ZBBX: variants seen among roughly 807,000 people sequenced by gnomAD.
ZBBX encodes the protein zinc finger B-box domain-containing protein 1.
ZBBX carries 101 observed loss-of-function variants against 108.5 expected under a neutral mutation model. The observed-to-expected ratio is 0.93, with a 90% CI of 0.79 to 1.10. ZBBX has a LOEUF of 1.10. Among genes scored for constraint, ZBBX ranks in the 50% least tolerant of loss-of-function variants. The probability of loss-of-function intolerance (pLI) is 0.00; values close to 1 mark genes in which losing one functional copy is unlikely to be tolerated. For synonymous variants in ZBBX, 356 were observed against 323.4 expected, an observed-to-expected ratio of 1.10 and a Z score of -1.08; for missense variants, 1,009 against 941.4, an observed-to-expected ratio of 1.07 and a Z score of -0.94.
Position 167,242,645 on chromosome 3 carries a change from T to G in ZBBX, c.2255-2A>C. ...AGCTGTAAAGCTTTTCTGAAGTATC[T>G]GAAATATTTTATTTCATGCATTGTC... is the stretch of plus-strand genomic sequence containing the variant. On this transcript the variant is annotated splice_acceptor_variant, in intron 20 of 21. Coordinates refer to ENST00000675490, the MANE Select transcript of ZBBX (RefSeq NM_001199201.2). LOFTEE classifies it high-confidence loss of function. 6.2e-7 allele frequency: 1 copy of G among 1,608,812 alleles called. No homozygotes were observed. Among genetic ancestry groups the G allele is most frequent in the Non-Finnish European group, 8.5e-7 (1 of 1,178,250 alleles).
At chr3:167,211,979 T>A in the ZBBX span, among the ~76,000 whole-genome samples, 1 of 152,058 alleles carries the variant, frequency 6.6e-6, no homozygotes, top group Non-Finnish European at 1.5e-5. Context: ...ACTATAAAAA[T>A]GTAGTCAGAC....
intron 18 of ZBBX, among the ~76,000 whole-genome samples, chr3:167,291,981 G>C (rs1730772341): frequency 6.6e-6 from 1 of 152,078 alleles, no homozygotes; most frequent in South Asian, 2.1e-4. Context: ...AATGGTAAAG[G>C]GATCAATGCA....
chr3:167,345,506 A>AT (rs576921194), intron 9 of ZBBX, among the ~76,000 whole-genome samples: 6 of 151,800 alleles, frequency 4.0e-5, no homozygotes, highest in East Asian at 1.9e-4. Flanking sequence ...AAATTCATAC[A>AT]TTTTTTCAAA....
chr3:167,317,595 G>A lies in ZBBX; in HGVS notation c.986C>T (p.Thr329Ile). Residue 329 changes from threonine (T) to isoleucine (I), a missense_variant and splice_region_variant, in exon 13 of 22, where the codon ACT becomes ATT. Thr to Ile is a moderately conservative substitution (Grantham distance 89, BLOSUM62 -1). Coordinates refer to ENST00000675490, the MANE Select transcript of ZBBX (RefSeq NM_001199201.2). ...EKLWLKKHRR[T>I]PQEQLFKMLP... ...CATTTTAAAAAGTTGCTCTTGTGGAGTTCTACAAAATAAGAAAGAAGCAAT... is the reference window on the plus strand; with the variant it reads ...CATTTTAAAAAGTTGCTCTTGTGGAATTCTACAAAATAAGAAAGAAGCAAT... The A allele has an allele frequency of 6.2e-7, 1 of 1,600,166 alleles. No individual in the cohort carries two copies. Among genetic ancestry groups the A allele is most frequent in the Non-Finnish European group, 8.5e-7 (1 of 1,173,166 alleles).
intron 1 of ZBBX, among the ~76,000 whole-genome samples, chr3:167,401,929 T>G (rs1330056079): frequency 6.6e-6 from 1 of 152,114 alleles, no homozygotes; most frequent in South Asian, 2.1e-4. Flanking sequence ...CAATGAACCA[T>G]GAAAGGCTTG....
chr3:167,198,460 C>A, the ZBBX span, among the ~76,000 whole-genome samples: 1 of 151,906 alleles, frequency 6.6e-6, no homozygotes, highest in Non-Finnish European at 1.5e-5. Flanking sequence ...AGTACTTTCA[C>A]CTGTTAAATT....
intron 4 of ZBBX, chr3:167,368,877 A>G: frequency 3.3e-6 from 1 of 306,894 alleles, no homozygotes; most frequent in Non-Finnish European, 4.9e-6. Context: ...TCTATGACAT[A>G]CAAACAGAAA....
the ZBBX span, among the ~76,000 whole-genome samples, chr3:167,201,135 A>G: frequency 1.3e-5 from 2 of 152,100 alleles, no homozygotes; most frequent in African/African-American, 4.8e-5. Flanking sequence ...AAGATAGTTA[A>G]TGATTTGAAA....
At chr3:167,217,283 C>A in the ZBBX span, among the ~76,000 whole-genome samples, 118 of 152,086 alleles carry the variant, frequency 7.8e-4, 1 homozygote, top group African/African-American at 2.8e-3. Context: ...AGTAAAACAA[C>A]CCCATTAAAA....
intron 4 of ZBBX, among the ~76,000 whole-genome samples, chr3:167,370,677 TC>T (rs1331137395): frequency 6.6e-6 from 1 of 151,794 alleles, no homozygotes; most frequent in African/African-American, 2.4e-5. Flanking sequence ...AACAGAGGAT[TC>T]CCCCTGGAGA....
chr3:167,298,816 TG>T (rs1422916284), intron 17 of ZBBX, among the ~76,000 whole-genome samples: 1 of 152,058 alleles, frequency 6.6e-6, no homozygotes, highest in Non-Finnish European at 1.5e-5. Context: ...CTAGTGTCTT[TG>T]TCTATATATA....
chr3:167,214,058 A>T, the ZBBX span, among the ~76,000 whole-genome samples: 343 of 152,322 alleles, frequency 2.3e-3, 2 homozygotes, highest in African/African-American at 8.0e-3. Flanking sequence ...GAAAGAAAAG[A>T]TGGTTACCAG....
chr3:167,326,467 T>C (rs895783529), intron 11 of ZBBX, among the ~76,000 whole-genome samples: 1 of 152,178 alleles, frequency 6.6e-6, no homozygotes, highest in Non-Finnish European at 1.5e-5. Context: ...TATCATACAG[T>C]TATTTCCATT....
chr3:167,206,078 T>A, the ZBBX span, among the ~76,000 whole-genome samples: 19 of 152,128 alleles, frequency 1.2e-4, no homozygotes, highest in African/African-American at 4.6e-4. Context: ...ATTTGGTTTA[T>A]CAGATTTTTA....
At chr3:167,258,459 T>C (rs1456909015) in intron 20 of ZBBX, among the ~76,000 whole-genome samples, 1 of 152,090 alleles carries the variant, frequency 6.6e-6, no homozygotes, top group African/African-American at 2.4e-5. Context: ...GTGACAGTGA[T>C]AGTTTGCCTT....
At chr3:167,191,934 T>TATAGAGAGAGAGAGAGAGAGAG in the ZBBX span, among the ~76,000 whole-genome samples, 14 of 130,220 alleles carry the variant, frequency 1.1e-4, no homozygotes, top group African/African-American at 3.9e-4. Context: ...TATATATATA[T>TATAGAGAGAGAGAGAGAGAGAG]AGAGCAAGTT....
the ZBBX span, among the ~76,000 whole-genome samples, chr3:167,189,738 A>G: frequency 6.6e-6 from 1 of 152,326 alleles, no homozygotes; most frequent in African/African-American, 2.4e-5. Context: ...CACAATCAAC[A>G]TCCCACACCA....
intron 20 of ZBBX, among the ~76,000 whole-genome samples, chr3:167,257,043 C>T (rs954672133): frequency 6.6e-6 from 1 of 152,094 alleles, no homozygotes; most frequent in Non-Finnish European, 1.5e-5. Context: ...TTTAAGGAAC[C>T]TCCAAACTGT....
chr3:167,354,729 T>C (rs1671501368), intron 8 of ZBBX, among the ~76,000 whole-genome samples: 1 of 151,950 alleles, frequency 6.6e-6, no homozygotes, highest in Non-Finnish European at 1.5e-5. Flanking sequence ...TAATTTTAAG[T>C]GAATTTTTCC....
Sources: allele counts gnomAD v4.1 joint callset (sites outside exome capture counted in the v4.1 genomes callset), GRCh38; gene constraint gnomAD v4.1.1; transcripts MANE v1.5; gene names NCBI Gene and HGNC (gene_info 2026-07-23, HGNC 2026-07-21).